NTM: variants seen among roughly 807,000 people sequenced by gnomAD.
NTM encodes neurotrimin, also known as IgLON family member 2.
NTM carries 13 observed loss-of-function variants against 42.1 expected under a neutral mutation model. The observed-to-expected ratio is 0.31, with a 90% confidence interval of 0.20 to 0.49. The LOEUF (loss-of-function observed/expected upper bound fraction) is 0.49, where lower values mean the gene tolerates loss of function less well. Among genes scored for constraint, NTM ranks in the 20% least tolerant of loss-of-function variants. The pLI, the probability that NTM is intolerant of heterozygous loss-of-function variation, is 0.99. For synonymous variants in NTM, 187 were observed against 179.2 expected (o/e 1.04, Z -0.35); for missense variants, 373 against 452.8 (o/e 0.82, Z 1.60).
chr11:131,985,772 G>T (rs943155467), intron 2 of NTM, among the ~76,000 whole-genome samples: 1 of 152,174 alleles, frequency 6.6e-6, no homozygotes, highest in Non-Finnish European at 1.5e-5. Context: ...ATGGCATCGA[G>T]TAGGGTGCCC....
intron 1 of NTM, among the ~76,000 whole-genome samples, chr11:131,549,167 T>G (rs1416393493): frequency 2.6e-5 from 4 of 152,154 alleles, no homozygotes; most frequent in Admixed American, 1.3e-4. Context: ...AAGCTGTATC[T>G]TTTTCTGGAA....
intron 1 of NTM, among the ~76,000 whole-genome samples, chr11:131,780,035 G>C (rs1453679633): frequency 6.6e-6 from 1 of 152,210 alleles, no homozygotes; most frequent in Non-Finnish European, 1.5e-5. Context: ...GGCGTTCACA[G>C]GAACTTTCAT....
At chr11:132,039,037 G>A (rs1485535198) in intron 2 of NTM, among the ~76,000 whole-genome samples, 1 of 152,230 alleles carries the variant, frequency 6.6e-6, no homozygotes, top group East Asian at 1.9e-4. Context: ...GTCGGGTACA[G>A]CAGCCACACT....
At chr11:131,755,802 A>C (rs1411750641) in intron 1 of NTM, among the ~76,000 whole-genome samples, 1 of 152,250 alleles carries the variant, frequency 6.6e-6, no homozygotes, top group Non-Finnish European at 1.5e-5. Flanking sequence ...TCTAACTCCA[A>C]CTTTGTCTCC....
At chr11:131,686,748 C>T (rs1233135922) in intron 1 of NTM, among the ~76,000 whole-genome samples, 1 of 152,188 alleles carries the variant, frequency 6.6e-6, no homozygotes, top group African/African-American at 2.4e-5. Context: ...ACGGCCATAA[C>T]GAGGCTGGCC....
rs546165292 is a variant in NTM at position 131,804,049 on chromosome 11, G to A, written c.83-107515G>A. Among the ~76,000 whole-genome samples, 7 of 152,186 alleles carry A rather than the reference G, an allele frequency of 4.6e-5. No individual in the cohort carries two copies. In the East Asian group the frequency reaches 1.4e-3, roughly 29 times the overall value. On this transcript the variant is annotated intron_variant, in intron 1 of 8. Transcript: ENST00000683400. ...TCTTCCTTGCCCCGACATAAAATCT[G>A]TCTCTCAGGCCTGCTGATCTGTTGA...
At chr11:131,942,486 G>A (rs1198781053) in intron 2 of NTM, among the ~76,000 whole-genome samples, 1 of 152,176 alleles carries the variant, frequency 6.6e-6, no homozygotes, top group Non-Finnish European at 1.5e-5. Context: ...GGAAGCAAGG[G>A]GGCTGGGAAA....
intron 1 of NTM, among the ~76,000 whole-genome samples, chr11:131,906,646 C>T (rs1028377739): frequency 6.6e-6 from 1 of 152,184 alleles, no homozygotes; most frequent in African/African-American, 2.4e-5. Context: ...TTGGCTTGTT[C>T]ATCCTGCTCC....
At chr11:132,136,546 G>T (rs1279605259) in intron 2 of NTM, among the ~76,000 whole-genome samples, 1 of 152,106 alleles carries the variant, frequency 6.6e-6, no homozygotes, top group Non-Finnish European at 1.5e-5. Context: ...ACCACACATG[G>T]CCACACATGT....
chr11:131,522,137 A>G (rs1565595927), intron 1 of NTM, among the ~76,000 whole-genome samples: 2 of 152,112 alleles, frequency 1.3e-5, no homozygotes, highest in Non-Finnish European at 1.5e-5. Flanking sequence ...AACGTATGTT[A>G]ATTTACTGCT....
chr11:131,528,560 C>G (rs2050813448), intron 1 of NTM, among the ~76,000 whole-genome samples: 1 of 152,182 alleles, frequency 6.6e-6, no homozygotes, highest in East Asian at 1.9e-4. Context: ...TCCCGGTGCC[C>G]ATGATGACTT....
intron 4 of NTM, among the ~76,000 whole-genome samples, chr11:132,296,484 G>A (rs917703447): frequency 6.6e-6 from 1 of 152,060 alleles, no homozygotes; most frequent in Non-Finnish European, 1.5e-5. Context: ...ATAATTTTCA[G>A]ACCCAATATA....
chr11:131,850,458 G>A (rs1042821445), intron 1 of NTM, among the ~76,000 whole-genome samples: 1 of 152,150 alleles, frequency 6.6e-6, no homozygotes, highest in African/African-American at 2.4e-5. Flanking sequence ...GGCCCCTGCA[G>A]AATACACATG....
chr11:132,212,179 A>C (rs1234684461), intron 4 of NTM, 32 bp downstream of exon 4: 1 of 1,592,724 alleles, frequency 6.3e-7, no homozygotes, highest in African/African-American at 1.4e-5. Context: ...TTGCATCATG[A>C]GGATAAATGG....
At chr11:132,147,175 TTGTGTG>T (rs751528769) in intron 3 of NTM, among the ~76,000 whole-genome samples, 3,291 of 123,470 alleles carry the variant, frequency 0.027, 44 homozygotes, top group African/African-American at 0.045. Flanking sequence ...CCTTGTATGT[TTGTGTG>T]TGTGTGTGTG....
chr11:132,240,468 G>C (rs992838645), intron 4 of NTM, among the ~76,000 whole-genome samples: 21 of 152,194 alleles, frequency 1.4e-4, no homozygotes, highest in Non-Finnish European at 2.9e-4. Context: ...CTTTCTTGTA[G>C]CGTCTCCAAT....
chr11:131,591,546 A>G (rs1378373660), intron 1 of NTM, among the ~76,000 whole-genome samples: 1 of 152,178 alleles, frequency 6.6e-6, no homozygotes, highest in African/African-American at 2.4e-5. Flanking sequence ...TAACAAGACT[A>G]TCTACTGGTG....
At chr11:131,832,835 T>G (rs188244256) in intron 1 of NTM, among the ~76,000 whole-genome samples, 1 of 152,208 alleles carries the variant, frequency 6.6e-6, no homozygotes, top group African/African-American at 2.4e-5. Flanking sequence ...AATATATATA[T>G]AGACAAGGGC....
Position 132,049,081 on chromosome 11 carries a change from G to A in NTM, c.168-97201G>A, listed in dbSNP as rs147332128. Among the ~76,000 whole-genome samples, 30 of 152,222 alleles carry A rather than the reference G, an allele frequency of 2.0e-4. No individual in the cohort carries two copies. The East Asian group carries it at 5.8e-3, about 29-fold the overall frequency. On this transcript the variant is annotated intron_variant, in intron 2 of 8. Transcript: ENST00000683400. ...TGACCAGGTCATAGGAAATGCAATT[G>A]AAGGGAAATATAATTGGAGGGAGAT...
Sources: gnomAD v4.1 joint callset for allele counts (sites outside exome capture counted in the v4.1 genomes callset) on GRCh38, gnomAD v4.1.1 for gene constraint, MANE v1.5 for transcripts, NCBI Gene and HGNC (gene_info 2026-07-23, HGNC 2026-07-21) for gene names.